Variants in ADGRG3 observed in about 807,000 individuals in gnomAD.
ADGRG3 encodes G protein-coupled receptor 97.
A neutral mutation model predicts 54.3 loss-of-function variants in ADGRG3; 39 were observed. The ratio of observed to expected loss-of-function variants is 0.72; its 90% CI spans 0.56 to 0.94. The LOEUF is 0.94. Among genes scored for constraint, ADGRG3 ranks in the 40% least tolerant of loss-of-function variants. The pLI, the probability that ADGRG3 is intolerant of heterozygous loss-of-function variation, is 0.00. For synonymous variants in ADGRG3, 312 were observed against 290.0 expected (o/e 1.08, Z -0.77); for missense variants, 654 against 694.6 (o/e 0.94, Z 0.66).
intron 4 of ADGRG3, 33 bp from the exon 5 acceptor site, chr16:57,679,144 G>T (rs1301086730): frequency 6.2e-7 from 1 of 1,611,796 alleles, no homozygotes; most frequent in Non-Finnish European, 8.5e-7. Context: ...GGCCCCTTCT[G>T]CAGCCTGGCC....
At chr16:57,674,909 T>C (rs1597758892) in intron 2 of ADGRG3, among the ~76,000 whole-genome samples, 1 of 147,148 alleles carries the variant, frequency 6.8e-6, no homozygotes, top group Non-Finnish European at 1.5e-5. Flanking sequence ...GGTGGGAGAA[T>C]TGCTTGAACC....
At chr16:57,682,830 T>A (rs1381953917) in intron 8 of ADGRG3, among the ~76,000 whole-genome samples, 1 of 152,170 alleles carries the variant, frequency 6.6e-6, no homozygotes, top group African/African-American at 2.4e-5. Context: ...AAGGCTCCCG[T>A]CCCTCTCTAA....
intron 2 of ADGRG3, chr16:57,674,608 G>A (rs560747088): frequency 6.8e-5 from 31 of 455,312 alleles, no homozygotes; most frequent in African/African-American, 6.0e-4. Context: ...GAGCTTCTTA[G>A]CACCCCAGAG....
intron 2 of ADGRG3, chr16:57,674,492 G>A (rs2048221274): frequency 2.4e-6 from 1 of 420,500 alleles, no homozygotes; most frequent in Middle Eastern, 3.4e-4. Flanking sequence ...AAAGGAATGA[G>A]TTAAAGCCCT....
At chr16:57,666,846 CACTGGT>C (rs1402083228), upstream of ADGRG3, among the ~76,000 whole-genome samples, 3 of 152,202 alleles carry the variant, frequency 2.0e-5, no homozygotes, top group Non-Finnish European at 4.4e-5. Context: ...CTTCTTCACA[CACTGGT>C]ACCTGCGAGC....
rs1286134758 is a variant in ADGRG3 at position 57,676,246 on chromosome 16, C to A, written c.253C>A (p.Gln85Lys). The change falls in exon 3 of 12, where the codon CAG becomes AAG. Residue 85 changes from glutamine (Q) to lysine (K), a missense_variant. Physicochemically the swap from Gln to Lys is moderately conservative, Grantham distance 53. Coordinates refer to ENST00000333493, the MANE Select transcript of ADGRG3 (RefSeq NM_170776.5). ...CCATCTGATGAAGGAAGGTTTGACGCAGAAGGTGAACACGCCTTTCCTGAA... is the reference window on the plus strand; with the variant it reads ...CCATCTGATGAAGGAAGGTTTGACGAAGAAGGTGAACACGCCTTTCCTGAA... ...EAHLMKEGLTQKVNTPFLKAL... is the reference protein window; with the variant it reads ...EAHLMKEGLTKKVNTPFLKAL... 1.9e-6 allele frequency: 3 copies of A among 1,614,060 alleles called. No individual in the cohort carries two copies. The South Asian group carries it at 3.3e-5, about 18-fold the overall frequency.
intron 1 of ADGRG3, among the ~76,000 whole-genome samples, chr16:57,671,936 A>T (rs1773957686): frequency 6.6e-6 from 1 of 152,228 alleles, no homozygotes; most frequent in African/African-American, 2.4e-5. Flanking sequence ...GGGTGAGCGG[A>T]TCGCTTGAGC....
At position 57,674,113 on chromosome 16, in the gene ADGRG3, G is replaced by A. The variant is rs75968585; in HGVS notation, c.206+645G>A. Among the ~76,000 whole-genome samples, 1,474 of 152,198 alleles carry A rather than the reference G, an allele frequency of 9.7e-3. 24 individuals carry two copies. The highest frequency in any genetic ancestry group is 0.033 in the African/African-American group (1,376 of 41,494). ...GCAGGGAGAGTATAGTCAACTCTGCGTTTTGGAATGATTGCTCAGGCTTCA... is the reference window on the plus strand; with the variant it reads ...GCAGGGAGAGTATAGTCAACTCTGCATTTTGGAATGATTGCTCAGGCTTCA... On this transcript the variant is annotated intron_variant, in intron 2 of 11. Transcript: ENST00000333493.
intron 11 of ADGRG3, 41 bp from the exon 12 acceptor site, chr16:57,688,311 C>A: frequency 7.7e-7 from 1 of 1,304,766 alleles, no homozygotes; most frequent in Non-Finnish European, 1.1e-6. Flanking sequence ...ACTCTCTGCC[C>A]ACCCCTTTCC....
chr16:57,688,312 A>G, intron 11 of ADGRG3, 40 bp from the exon 12 acceptor site: 1 of 1,311,482 alleles, frequency 7.6e-7, no homozygotes, highest in Non-Finnish European at 1.1e-6. Context: ...CTCTCTGCCC[A>G]CCCCTTTCCA....
intron 3 of ADGRG3, among the ~76,000 whole-genome samples, chr16:57,677,871 G>A (rs193184938): frequency 1.0e-3 from 157 of 152,310 alleles, no homozygotes; most frequent in Non-Finnish European, 2.0e-3. Context: ...CCCTCCAGCC[G>A]TCCTCATACT....
At chr16:57,682,751 C>A in intron 8 of ADGRG3, 2 of 523,284 alleles carry the variant, frequency 3.8e-6, no homozygotes, top group Non-Finnish European at 4.9e-6. Context: ...GGGAGGTGAG[C>A]CTGGTGAGTC....
chr16:57,668,525 T>A (rs544679781), intron 1 of ADGRG3, 120 bp downstream of exon 1: 2 of 917,248 alleles, frequency 2.2e-6, no homozygotes, highest in African/African-American at 3.3e-5. Flanking sequence ...GTCTGGGATG[T>A]GTCCTCCGAT....
chr16:57,678,019 A>C, intron 3 of ADGRG3, 151 bp from the exon 4 acceptor site: 1 of 860,634 alleles, frequency 1.2e-6, no homozygotes, highest in Non-Finnish European at 1.9e-6. Context: ...CAGAGCTTGC[A>C]CTGTGCCCCA....
chr16:57,673,509 C>A, intron 2 of ADGRG3, 41 bp downstream of exon 2: 1 of 1,572,312 alleles, frequency 6.4e-7, no homozygotes, highest in Admixed American at 1.7e-5. Flanking sequence ...TCTGAAGCTG[C>A]TGGGAGGAGG....
At chr16:57,679,034 T>A (rs1248656944) in intron 4 of ADGRG3, 143 bp from the exon 5 acceptor site, 2 of 935,210 alleles carry the variant, frequency 2.1e-6, no homozygotes, top group African/African-American at 1.7e-5. Context: ...TGCCTGTGAC[T>A]CCTTGGCTCC....
chr16:57,672,726 A>T (rs573515323), intron 1 of ADGRG3, among the ~76,000 whole-genome samples: 1 of 152,354 alleles, frequency 6.6e-6, no homozygotes, highest in Non-Finnish European at 1.5e-5. Flanking sequence ...CCAACTAGCT[A>T]GTAACCTTTC....
chr16:57,678,064 T>A, intron 3 of ADGRG3, 106 bp from the exon 4 acceptor site: 1 of 1,395,214 alleles, frequency 7.2e-7, no homozygotes, highest in Non-Finnish European at 1.0e-6. Context: ...AGTCCCCAGG[T>A]GCTGCCCCCT....
At chr16:57,671,328 A>G (rs1479821436) in intron 1 of ADGRG3, among the ~76,000 whole-genome samples, 1 of 141,808 alleles carries the variant, frequency 7.1e-6, no homozygotes, top group African/African-American at 2.6e-5. Flanking sequence ...GTCCTAGAAT[A>G]GGAGTTTTTT....
Sources: gnomAD v4.1 joint callset for allele counts (sites outside exome capture counted in the v4.1 genomes callset) on GRCh38, gnomAD v4.1.1 for gene constraint, MANE v1.5 for transcripts, NCBI Gene and HGNC (gene_info 2026-07-23, HGNC 2026-07-21) for gene names.